LGMN: variants seen among roughly 807,000 people sequenced by gnomAD.
LGMN encodes legumain.
A neutral mutation model predicts 56.8 loss-of-function variants in LGMN; 36 were observed. The ratio of observed to expected loss-of-function variants is 0.63; its 90% confidence interval spans 0.49 to 0.84. The LOEUF is 0.84. LGMN is among the 40% of genes least tolerant of loss of function. The pLI, the probability that LGMN is intolerant of heterozygous loss-of-function variation, is 0.00. For missense variants in LGMN, 446 were observed against 556.1 expected (o/e 0.80, Z 1.99); for synonymous variants, 199 against 210.1 (o/e 0.95, Z 0.46).
intron 3 of LGMN, among the ~76,000 whole-genome samples, chr14:92,717,764 T>G (rs1890145977): frequency 6.6e-6 from 1 of 152,030 alleles, no homozygotes; most frequent in Non-Finnish European, 1.5e-5. Flanking sequence ...GAGGGCAAGG[T>G]CTCATCAAAA....
At chr14:92,722,704 C>T (rs1453559757) in intron 2 of LGMN, among the ~76,000 whole-genome samples, 1 of 152,076 alleles carries the variant, frequency 6.6e-6, no homozygotes, top group Non-Finnish European at 1.5e-5. Context: ...AAAATATTTG[C>T]AAAACATATA....
intron 11 of LGMN, 59 bp from the exon 12 acceptor site, chr14:92,706,712 C>T: frequency 6.9e-7 from 1 of 1,447,226 alleles, no homozygotes; most frequent in Non-Finnish European, 9.3e-7. Context: ...CTCAGGGACC[C>T]AGGTGCGGTG....
Position 92,703,961 on chromosome 14 carries a change from G to T in LGMN, c.*358C>A, listed in dbSNP as rs959502065. 3 of 589,682 alleles carry T rather than the reference G, an allele frequency of 5.1e-6. No homozygotes were observed. Among genetic ancestry groups the T allele is most frequent in the Non-Finnish European group, 9.0e-6 (3 of 334,120 alleles). The allele number at this position is 589,682 out of a possible 1,614,324, so 36.5% of individuals were successfully genotyped here. A position where few individuals can be genotyped will look rare whatever the true frequency, so the allele number is the denominator to read the frequency against. On this transcript the variant is annotated 3_prime_UTR_variant, in exon 14 of 14. Coordinates refer to ENST00000334869, the MANE Select transcript of LGMN (RefSeq NM_005606.7). ...TAAAATCATTCTGAAGATTTAAAGA[G>T]GTTTCAGCTTCAAATTCTCAGAATA...
chr14:92,744,706 C>T (rs1378272084), intron 1 of LGMN, among the ~76,000 whole-genome samples: 2 of 151,726 alleles, frequency 1.3e-5, no homozygotes, highest in Non-Finnish European at 2.9e-5. Context: ...AGCAATTCTC[C>T]TGCCTCAGCC....
intron 7 of LGMN, 119 bp from the exon 8 acceptor site, chr14:92,712,990 G>A: frequency 1.2e-6 from 1 of 836,914 alleles, no homozygotes; most frequent in Non-Finnish European, 1.9e-6. Flanking sequence ...GCTTGCTTCT[G>A]GAGACATTAC....
chr14:92,719,233 A>G (rs1434113811), intron 2 of LGMN, among the ~76,000 whole-genome samples: 36 of 39,610 alleles, frequency 9.1e-4, no homozygotes, highest in African/African-American at 4.5e-3. Flanking sequence ...CACCACCGCC[A>G]CCGCCACCAC....
chr14:92,705,199 A>G (rs923877342), intron 12 of LGMN, among the ~76,000 whole-genome samples: 5 of 152,194 alleles, frequency 3.3e-5, no homozygotes, highest in Non-Finnish European at 7.3e-5. Context: ...CATGACTCCA[A>G]AGGTCAAAAG....
At chr14:92,707,463 C>T (rs1176320989) in intron 11 of LGMN, among the ~76,000 whole-genome samples, 1 of 152,168 alleles carries the variant, frequency 6.6e-6, no homozygotes, top group Non-Finnish European at 1.5e-5. Flanking sequence ...CTTTACAAGG[C>T]TGGATTTTCT....
intron 2 of LGMN, among the ~76,000 whole-genome samples, chr14:92,727,266 C>T (rs577520742): frequency 1.3e-5 from 2 of 151,904 alleles, no homozygotes; most frequent in African/African-American, 2.4e-5. Flanking sequence ...CCCGTCTCTA[C>T]TAAAAATATA....
intron 2 of LGMN, among the ~76,000 whole-genome samples, chr14:92,723,739 CT>C (rs35574676): frequency 0.44 from 65,876 of 149,872 alleles, 14,362 homozygotes; most frequent in South Asian, 0.51. Flanking sequence ...GCCCAAACAA[CT>C]TTTTTTTTTT....
intron 1 of LGMN, among the ~76,000 whole-genome samples, chr14:92,747,123 CT>C (rs1891857200): frequency 1.3e-5 from 2 of 152,030 alleles, no homozygotes; most frequent in Admixed American, 1.3e-4. Context: ...AAGCATTGCT[CT>C]TTCTCTGCCT....
chr14:92,723,943 G>T (rs924635536), intron 2 of LGMN, among the ~76,000 whole-genome samples: 2 of 152,142 alleles, frequency 1.3e-5, no homozygotes, highest in African/African-American at 4.8e-5. Flanking sequence ...TGTTGGCCAG[G>T]CTGGTCTCAA....
rs115197402 is a variant in LGMN, at chr14:92,721,739, C to A, written c.139-2895G>T. 6.4e-3 allele frequency among the ~76,000 whole-genome samples: 968 copies of A among 152,216 alleles called. 8 individuals are homozygous for A. The highest frequency in any genetic ancestry group is 0.023 in the African/African-American group (935 of 41,516). On this transcript the variant is annotated intron_variant, in intron 2 of 13. Coordinates refer to ENST00000334869, the MANE Select transcript of LGMN (RefSeq NM_005606.7). ...GCAAAAGCCAAGAAATAACTCCAAT[C>A]ATAGTCAACAGCTGGAAAAATAAAT...
chr14:92,714,315 C>T lies in LGMN; in HGVS notation c.480+61G>A, dbSNP rs1013370477. ...AAAATACACGCTATGGGTTTAATCTCGACACCTAGGCTTGCTTTTCTGTTC... is the reference window on the plus strand; with the variant it reads ...AAAATACACGCTATGGGTTTAATCTTGACACCTAGGCTTGCTTTTCTGTTC... On this transcript the variant is annotated intron_variant, in intron 6 of 13. Coordinates refer to ENST00000334869, the MANE Select transcript of LGMN (RefSeq NM_005606.7). This position sits in a 1 kb window ranked among gnomAD's most constrained non-coding sequence, Gnocchi z 5.1. 2.5e-5 allele frequency: 30 copies of T among 1,192,618 alleles called. 1 individual carries two copies. The highest frequency in any genetic ancestry group is 5.3e-5 in the Admixed American group (3 of 56,278). 73.9% of individuals were successfully genotyped at this position (1,192,618 alleles called of 1,614,324 possible).
intron 2 of LGMN, among the ~76,000 whole-genome samples, chr14:92,722,052 C>T (rs1890504511): frequency 6.6e-6 from 1 of 152,016 alleles, no homozygotes; most frequent in Admixed American, 6.6e-5. Context: ...ATGCTGTTCA[C>T]AGTTAAATAG....
chr14:92,723,506 A>G (rs1890587993), intron 2 of LGMN, among the ~76,000 whole-genome samples: 1 of 152,258 alleles, frequency 6.6e-6, no homozygotes, highest in Non-Finnish European at 1.5e-5. Flanking sequence ...AACGTGGTCT[A>G]TCCATACAAT....
chr14:92,706,647 G>A lies in LGMN; in HGVS notation c.1027C>T (p.His343Tyr). 1.9e-6 allele frequency: 3 copies of A among 1,579,992 alleles called. No homozygotes were observed. Among genetic ancestry groups the A allele is most frequent in the African/African-American group, 1.3e-5 (1 of 74,532 alleles). Residue 343 changes from histidine (H) to tyrosine (Y), a missense_variant, in exon 12 of 14, where the codon CAC (histidine) becomes TAC (tyrosine). By Grantham distance (83) the His-to-Tyr change is moderately conservative. Coordinates refer to ENST00000334869, the MANE Select transcript of LGMN (RefSeq NM_005606.7). ...EEIQRHLDARHLIEKSVRKIV... is the reference protein window; with the variant it reads ...EEIQRHLDARYLIEKSVRKIV... ...TTACGCACTGACTTCTCAATGAGGTGCCTGGCCTGGGGAGAAACGCGGCCT... is the reference window on the plus strand; with the variant it reads ...TTACGCACTGACTTCTCAATGAGGTACCTGGCCTGGGGAGAAACGCGGCCT...
intron 1 of LGMN, among the ~76,000 whole-genome samples, chr14:92,734,877 C>T (rs893251952): frequency 2.0e-5 from 3 of 152,172 alleles, no homozygotes; most frequent in African/African-American, 2.4e-5. Flanking sequence ...TCATTCATTC[C>T]TTGACTCGCC....
intron 3 of LGMN, among the ~76,000 whole-genome samples, chr14:92,717,865 G>A (rs900150296): frequency 5.3e-5 from 8 of 152,202 alleles, no homozygotes; most frequent in Non-Finnish European, 8.8e-5. Context: ...GTCAGAGTGG[G>A]TGATGTATGA....
Sources: gnomAD v4.1 joint callset for allele counts (sites outside exome capture counted in the v4.1 genomes callset) on GRCh38, gnomAD v4.1.1 for gene constraint, Gnocchi (gnomAD v3.1) non-coding constraint, MANE v1.5 for transcripts, NCBI Gene and HGNC (gene_info 2026-07-23, HGNC 2026-07-21) for gene names.